KCNH6: variants seen among roughly 807,000 people sequenced by gnomAD.
KCNH6 encodes the protein potassium voltage-gated channel subfamily H member 6.
Under a neutral mutation model 83.4 loss-of-function variants are expected in KCNH6, and 81 were observed. The observed-to-expected ratio is 0.97, with a 90% CI of 0.81 to 1.17. The LOEUF is 1.17. Ranked by LOEUF, KCNH6 falls within the 50% of genes most tolerant of loss-of-function variation. The pLI is 0.00. For missense variants in KCNH6, 1,203 were observed against 1,290.5 expected (o/e 0.93, Z 1.04); for synonymous variants, 503 against 545.6 (o/e 0.92, Z 1.09).
intron 2 of KCNH6, among the ~76,000 whole-genome samples, 195 bp from the exon 3 acceptor site, chr17:63,529,896 C>G (rs998128279): frequency 6.6e-6 from 1 of 152,248 alleles, no homozygotes; most frequent in Non-Finnish European, 1.5e-5. Context: ...CCGCTCTCCC[C>G]ACCTCTGCCC....
Position 63,542,429 on chromosome 17 carries a change from C to T in KCNH6, c.2143C>T (p.Arg715Trp), listed in dbSNP as rs774807503. The T allele has an allele frequency of 1.4e-5, 23 of 1,613,608 alleles. No homozygotes were observed. The highest frequency in any genetic ancestry group is 1.7e-4 in the Middle Eastern group (1 of 6,036). The change falls in exon 9 of 13, where the codon CGG becomes TGG. Residue 715 changes from arginine (R) to tryptophan (W), a missense_variant. Physicochemically the swap from Arg to Trp is moderately radical, Grantham distance 101. Coordinates refer to ENST00000314672, the MANE Select transcript of KCNH6 (RefSeq NM_001278919.2). ...TAAGCTGGAGGTCACCTTCAACCTG[C>T]GGGACGTGAGTCAGGGCCAGGTGGG... is the stretch of plus-strand genomic sequence containing the variant. ...WSKLEVTFNL[R>W]DAAGGLHSSP...
intron 11 of KCNH6, 141 bp from the exon 12 acceptor site, chr17:63,544,937 C>A: frequency 1.3e-6 from 1 of 796,216 alleles, no homozygotes; most frequent in South Asian, 1.6e-5. Flanking sequence ...GGCTGTGGAT[C>A]CCAGTAAGGA....
chr17:63,530,013 A>G, intron 2 of KCNH6, 78 bp from the exon 3 acceptor site: 1 of 1,500,596 alleles, frequency 6.7e-7, no homozygotes, highest in Admixed American at 1.8e-5. Context: ...ACCTTCACTC[A>G]GCCCCTTCCC....
chr17:63,542,772 T>C (rs2032938076), intron 9 of KCNH6, among the ~76,000 whole-genome samples: 1 of 152,144 alleles, frequency 6.6e-6, no homozygotes, highest in Non-Finnish European at 1.5e-5. Flanking sequence ...AATGTGAATT[T>C]AATTTGTCTG....
intron 6 of KCNH6, among the ~76,000 whole-genome samples, chr17:63,537,574 A>G (rs747989687): frequency 2.0e-5 from 3 of 152,036 alleles, no homozygotes; most frequent in Non-Finnish European, 2.9e-5. Flanking sequence ...AGCTGGGATT[A>G]CAGACGGGCA....
At chr17:63,547,938 C>T (rs1055481452), downstream of KCNH6, among the ~76,000 whole-genome samples, 10 of 148,822 alleles carry the variant, frequency 6.7e-5, no homozygotes, top group Admixed American at 6.8e-5. Context: ...TACTCCAGCC[C>T]GGGTAACAGA....
rs2032394226 is a variant in KCNH6 at position 63,535,086 on chromosome 17, T to C, written c.1102-583T>C. 6.6e-6 allele frequency among the ~76,000 whole-genome samples: 1 copy of C among 152,040 alleles called. No individual in the cohort carries two copies. Among genetic ancestry groups the C allele is most frequent in the African/African-American group, 2.4e-5 (1 of 41,404 alleles). On this transcript the variant is annotated intron_variant, in intron 5 of 12. Coordinates refer to ENST00000314672, the MANE Select transcript of KCNH6 (RefSeq NM_001278919.2). The surrounding 1 kb of genome is among the most constrained non-coding windows in gnomAD (Gnocchi z 4.9). ...TGACCCTGTGTTCCACCCTCTGGGG[T>C]GTACAGGGTCCTCAGAATTTTCAGT...
chr17:63,542,495 AG>A, intron 9 of KCNH6, 61 bp downstream of exon 9: 1 of 1,470,548 alleles, frequency 6.8e-7, no homozygotes, highest in Admixed American at 1.7e-5. Flanking sequence ...GCCTGGCCTG[AG>A]GGCACCCATC....
At chr17:63,524,569 G>A (rs1283759470) in intron 2 of KCNH6, among the ~76,000 whole-genome samples, 200 bp downstream of exon 2, 1 of 152,212 alleles carries the variant, frequency 6.6e-6, no homozygotes, top group Admixed American at 6.5e-5. Flanking sequence ...GGATCAGGCT[G>A]GGCCACCCAC....
At chr17:63,537,660 C>T (rs972734054) in intron 6 of KCNH6, among the ~76,000 whole-genome samples, 1 of 152,198 alleles carries the variant, frequency 6.6e-6, no homozygotes, top group African/African-American at 2.4e-5. Flanking sequence ...TGGTCTCGAA[C>T]TCCTGACCTC....
chr17:63,526,676 C>T (rs1391048245), intron 2 of KCNH6, among the ~76,000 whole-genome samples: 1 of 152,124 alleles, frequency 6.6e-6, no homozygotes, highest in East Asian at 1.9e-4. Flanking sequence ...TCCCTTCCCC[C>T]CAACCCCCAA....
chr17:63,529,906 C>T (rs2031969141), intron 2 of KCNH6, among the ~76,000 whole-genome samples, 185 bp from the exon 3 acceptor site: 1 of 152,246 alleles, frequency 6.6e-6, no homozygotes, highest in African/African-American at 2.4e-5. Context: ...CACCTCTGCC[C>T]TGTGGGTGGA....
rs529260026 is a variant in KCNH6 at position 63,546,264 on chromosome 17, G to A, written c.*362G>A. ...CAAAAAAAAAAAAAAAAAAGATCTTGGGGAGGCAGACAGCCCCCCAGATGG... is the reference window on the plus strand; with the variant it reads ...CAAAAAAAAAAAAAAAAAAGATCTTAGGGAGGCAGACAGCCCCCCAGATGG... On this transcript the variant is annotated 3_prime_UTR_variant, in exon 13 of 13. Coordinates refer to ENST00000314672, the MANE Select transcript of KCNH6 (RefSeq NM_001278919.2). 2 of 161,990 alleles carry A rather than the reference G, an allele frequency of 1.2e-5. No individual in the cohort carries two copies. Among genetic ancestry groups the A allele is most frequent in the Non-Finnish European group, 2.7e-5 (2 of 74,120 alleles). The allele number at this position is 161,990 out of a possible 1,614,324, so 10.0% of individuals were successfully genotyped here.
intron 8 of KCNH6, among the ~76,000 whole-genome samples, chr17:63,539,335 C>G (rs545565357): frequency 6.6e-6 from 1 of 152,150 alleles, no homozygotes; most frequent in African/African-American, 2.4e-5. Context: ...CAGCCCTCCC[C>G]CTCTGCTTCC....
At chr17:63,537,018 A>G (rs1397558935) in intron 6 of KCNH6, among the ~76,000 whole-genome samples, 1 of 151,528 alleles carries the variant, frequency 6.6e-6, no homozygotes, top group Non-Finnish European at 1.5e-5. Flanking sequence ...AACCAAATGC[A>G]GGGCTCTTAG....
rs1465208752 is a variant in KCNH6 at position 63,530,212 on chromosome 17, C to T, written c.429C>T (p.Ser143=). 6.2e-7 allele frequency: 1 copy of T among 1,614,046 alleles called. No individual in the cohort carries two copies. The highest frequency in any genetic ancestry group is 8.5e-7 in the Non-Finnish European group (1 of 1,179,992). ...TCCTGGCCAAGTGCAGCAGCCGCAG[C>T]TTGTCCCAGCGCCTGTTGTCCCAGA... ...AQLLAKCSSR[S]LSQRLLSQSF... Residue 143 remains serine, a synonymous_variant, in exon 3 of 13, where the codon AGC becomes AGT. Coordinates refer to ENST00000314672, the MANE Select transcript of KCNH6 (RefSeq NM_001278919.2).
intron 6 of KCNH6, chr17:63,536,271 T>C: frequency 1.7e-6 from 1 of 585,738 alleles, no homozygotes; most frequent in East Asian, 2.8e-5. Context: ...GCCCATGCTA[T>C]CTGCCAGGCA....
Position 63,524,245 on chromosome 17 carries a change from G to A in KCNH6, c.183G>A (p.Gln61=). ...GCTACTCCCGAGTGGAGGTGATGCA[G>A]CAACCCTGCACCTGCGACTTCCTCA... ...LFGYSRVEVM[Q]QPCTCDFLTG... Residue 61 remains glutamine (Q), a synonymous_variant, in exon 2 of 13, where the codon CAG becomes CAA. Coordinates refer to ENST00000314672, the MANE Select transcript of KCNH6 (RefSeq NM_001278919.2). 1 of 1,614,132 alleles carries A rather than the reference G, an allele frequency of 6.2e-7. No homozygotes were observed. The highest frequency in any genetic ancestry group is 2.2e-5 in the East Asian group (1 of 44,888).
At position 63,538,113 on chromosome 17, in the gene KCNH6, G is replaced by C. The variant is rs1227933648; in HGVS notation, c.1550G>C (p.Arg517Pro). ...IFGNVSAIIQ[R>P]LYSGTARYHT... ...GGGAACGTGTCCGCGATCATCCAGC[G>C]CCTGTACTCGGGCACCGCGCGCTAC... Residue 517 changes from arginine to proline, a missense_variant, in exon 7 of 13, where the codon CGC becomes CCC. Coordinates refer to ENST00000314672, the MANE Select transcript of KCNH6 (RefSeq NM_001278919.2). This position sits in a 1 kb window ranked among gnomAD's most constrained non-coding sequence, Gnocchi z 4.0. 1 of 1,613,908 alleles carries C rather than the reference G, an allele frequency of 6.2e-7. No individual in the cohort carries two copies. The highest frequency in any genetic ancestry group is 8.5e-7 in the Non-Finnish European group (1 of 1,180,026).
Sources: gnomAD v4.1 joint callset for allele counts (sites outside exome capture counted in the v4.1 genomes callset) on GRCh38, gnomAD v4.1.1 for gene constraint, Gnocchi (gnomAD v3.1) non-coding constraint, MANE v1.5 for transcripts, NCBI Gene and HGNC (gene_info 2026-07-23, HGNC 2026-07-21) for gene names.